DNAH7: variants seen among roughly 807,000 people sequenced by gnomAD.
The protein encoded by DNAH7 is axonemal beta dynein heavy chain 7.
DNAH7 carries 397 observed loss-of-function variants against 444.6 expected under a neutral mutation model. The ratio of observed to expected loss-of-function variants is 0.89; its 90% CI spans 0.82 to 0.97. The LOEUF is 0.97. Among genes scored for constraint, DNAH7 ranks in the 50% least tolerant of loss-of-function variants. The pLI is 0.00. For synonymous variants in DNAH7, 1,636 were observed against 1,624.4 expected (o/e 1.01, Z -0.17); for missense variants, 4,902 against 4,800.8 (o/e 1.02, Z -0.62).
At chr2:196,009,148 C>A (rs1273164411) in intron 10 of DNAH7, among the ~76,000 whole-genome samples, 3 of 152,090 alleles carry the variant, frequency 2.0e-5, no homozygotes, top group African/African-American at 7.2e-5. Flanking sequence ...GCCCCCATGA[C>A]CAAACACCTC....
chr2:195,740,068 C>T (rs1395433248), intron 64 of DNAH7, among the ~76,000 whole-genome samples: 2 of 152,138 alleles, frequency 1.3e-5, no homozygotes, highest in Non-Finnish European at 2.9e-5. Context: ...ACCGCAACCT[C>T]CACCTCCCAG....
At chr2:195,915,340 A>T (rs1384996875) in intron 24 of DNAH7, among the ~76,000 whole-genome samples, 1 of 152,148 alleles carries the variant, frequency 6.6e-6, no homozygotes, top group Non-Finnish European at 1.5e-5. Flanking sequence ...AAGGGAGAGA[A>T]CTTGCCAGGG....
At chr2:195,940,998 T>G (rs1689395594) in intron 19 of DNAH7, among the ~76,000 whole-genome samples, 1 of 152,080 alleles carries the variant, frequency 6.6e-6, no homozygotes, top group Non-Finnish European at 1.5e-5. Context: ...GAAATACCAT[T>G]TGACCCAGCA....
chr2:195,833,488 C>T (rs536578254), intron 48 of DNAH7, among the ~76,000 whole-genome samples: 1 of 152,246 alleles, frequency 6.6e-6, no homozygotes, highest in South Asian at 2.1e-4. Flanking sequence ...CTGCACTGTC[C>T]TGGAGCTAAA....
rs376217349 is a variant in DNAH7 at position 195,887,392 on chromosome 2, G to C, written c.5406+866C>G. Among the ~76,000 whole-genome samples the C allele has an allele frequency of 1.1e-4, 16 of 151,858 alleles. 1 individual carries two copies. Among genetic ancestry groups the C allele is most frequent in the African/African-American group, 3.4e-4 (14 of 41,134 alleles). On this transcript the variant is annotated intron_variant, in intron 33 of 64. Coordinates refer to ENST00000312428, the MANE Select transcript of DNAH7 (RefSeq NM_018897.3). ...AGTTACAGCCAAACTTCTTGAAAGA[G>C]CAGGGTGGAAGACACATCACTTCCT...
chr2:196,044,825 T>G (rs993707490), intron 5 of DNAH7, among the ~76,000 whole-genome samples: 5 of 152,088 alleles, frequency 3.3e-5, no homozygotes, highest in Non-Finnish European at 7.4e-5. Flanking sequence ...CCCAGCACTC[T>G]GAGAGGTTGA....
At chr2:195,772,314 A>G (rs1213564497) in intron 60 of DNAH7, among the ~76,000 whole-genome samples, 1 of 152,188 alleles carries the variant, frequency 6.6e-6, no homozygotes, top group African/African-American at 2.4e-5. Context: ...ATATTTGCCA[A>G]TAACTCTGGT....
At chr2:195,801,697 T>C (rs139255207) in intron 54 of DNAH7, among the ~76,000 whole-genome samples, 1 of 152,318 alleles carries the variant, frequency 6.6e-6, no homozygotes, top group Admixed American at 6.5e-5. Flanking sequence ...CTGTAAAACA[T>C]TGCAAATACT....
Position 195,796,757 on chromosome 2 carries a change from A to G in DNAH7, c.10354-20T>C, listed in dbSNP as rs757743811. The G allele has an allele frequency of 1.3e-6, 2 of 1,581,582 alleles. No individual in the cohort carries two copies. The highest frequency in any genetic ancestry group is 1.7e-6 in the Non-Finnish European group (2 of 1,163,504). On this transcript the variant is annotated intron_variant, in intron 55 of 64. Coordinates refer to ENST00000312428, the MANE Select transcript of DNAH7 (RefSeq NM_018897.3). ...ATATCCCTGTGTACAAGAATAGTAG[A>G]GATGTTATTTAAAATCACATTTTAA... is the stretch of plus-strand genomic sequence containing the variant.
At position 195,910,073 on chromosome 2, in the gene DNAH7, T is replaced by C. The variant is rs780557326; in HGVS notation, c.4058A>G (p.Asn1353Ser). The C allele has an allele frequency of 1.9e-6, 3 of 1,613,786 alleles. No individual in the cohort carries two copies. Among genetic ancestry groups the C allele is most frequent in the East Asian group, 2.2e-5 (1 of 44,888 alleles). The stretch of plus-strand genomic sequence containing the variant: ...CAAATAATCCAACCCATCAGAGCAG[T>C]TGAAAACAACACATTGTTTGGCTAC... Reference protein sequence around the residue: ...KAVAKQCVVFNCSDGLDYLAL... With the variant: ...KAVAKQCVVFSCSDGLDYLAL... Residue 1353 changes from asparagine (N) to serine (S), a missense_variant, in exon 25 of 65, where the codon AAC becomes AGC. Transcript: ENST00000312428.
chr2:195,850,715 G>C (rs904788012), intron 46 of DNAH7, among the ~76,000 whole-genome samples: 1 of 152,170 alleles, frequency 6.6e-6, no homozygotes, highest in African/African-American at 2.4e-5. Context: ...AATGTTGTAA[G>C]GTCTCTTAGT....
chr2:195,958,686 T>C (rs1449550833), intron 18 of DNAH7, among the ~76,000 whole-genome samples: 1 of 152,214 alleles, frequency 6.6e-6, no homozygotes, highest in African/African-American at 2.4e-5. Flanking sequence ...TAGATAATGA[T>C]TTAATTTCCT....
chr2:195,904,416 G>C (rs976315968), intron 27 of DNAH7: 3 of 152,432 alleles, frequency 2.0e-5, no homozygotes, highest in Non-Finnish European at 1.5e-5. Flanking sequence ...TCAGAGGCTA[G>C]TGAGGCCCAG....
intron 61 of DNAH7, among the ~76,000 whole-genome samples, chr2:195,759,463 C>T (rs891734651): frequency 6.6e-6 from 1 of 152,062 alleles, no homozygotes; most frequent in Non-Finnish European, 1.5e-5. Flanking sequence ...TGACCCTGCA[C>T]GTTTCCACCT....
chr2:196,068,611 G>A, intron 1 of DNAH7, 86 bp downstream of exon 1: 4 of 1,529,224 alleles, frequency 2.6e-6, no homozygotes, highest in Non-Finnish European at 2.7e-6. Flanking sequence ...TGGGGAGTTC[G>A]CTAGGCAGGA....
intron 1 of DNAH7, 131 bp downstream of exon 1, chr2:196,068,566 G>A: frequency 1.7e-6 from 2 of 1,206,774 alleles, no homozygotes; most frequent in Non-Finnish European, 2.3e-6. Context: ...GGCCACAAGT[G>A]GGGTGAAGGA....
Position 195,818,513 on chromosome 2 carries a change from TC to T in DNAH7, c.9292-685del, listed in dbSNP as rs1697323971. Reference sequence around the variant, plus strand: ...ATAAGCATGCAAACATGCTGAGGACTCTTTTTTTAAAAAAAGCAAACAACAA... The same window carrying T: ...ATAAGCATGCAAACATGCTGAGGACTTTTTTTTAAAAAAAGCAAACAACAA... On this transcript the variant is annotated intron_variant, in intron 49 of 64. Coordinates refer to ENST00000312428, the MANE Select transcript of DNAH7 (RefSeq NM_018897.3). Among the ~76,000 whole-genome samples, 3 of 152,324 alleles carry T rather than the reference TC, an allele frequency of 2.0e-5. No individual in the cohort carries two copies. The South Asian group carries it at 6.2e-4, about 32-fold the overall frequency.
At chr2:196,044,881 A>G in intron 5 of DNAH7, among the ~76,000 whole-genome samples, 1 of 152,124 alleles carries the variant, frequency 6.6e-6, no homozygotes, top group East Asian at 1.9e-4. Context: ...AGCCTGGGCA[A>G]CATGGTGCAA....
In DNAH7 at chr2:195,890,029, A is replaced by C. The variant is rs143446353; in HGVS notation, c.5047-1048T>G. On this transcript the variant is annotated intron_variant, in intron 31 of 64. Coordinates refer to ENST00000312428, the MANE Select transcript of DNAH7 (RefSeq NM_018897.3). ...TCTCCTTTTCAGATCCTTATAATTCAACCTTTTTTGTATACACCAATGATT... is the reference window on the plus strand; with the variant it reads ...TCTCCTTTTCAGATCCTTATAATTCCACCTTTTTTGTATACACCAATGATT... Among the ~76,000 whole-genome samples, 1,333 of 152,368 alleles carry C rather than the reference A, an allele frequency of 8.7e-3. 5 individuals carry two copies. Among genetic ancestry groups the C allele is most frequent in the Non-Finnish European group, 0.013 (907 of 68,026 alleles).
Sources: allele counts gnomAD v4.1 joint callset (sites outside exome capture counted in the v4.1 genomes callset), GRCh38; gene constraint gnomAD v4.1.1; transcripts MANE v1.5; gene names NCBI Gene and HGNC (gene_info 2026-07-23, HGNC 2026-07-21).